The following VWA3B variants were observed in gnomAD, a reference collection of about 807,000 sequenced individuals.
VWA3B encodes von Willebrand factor A domain containing 3B, also known as von Willebrand factor A domain-containing protein 3B.
A neutral mutation model predicts 158.3 loss-of-function variants in VWA3B; 138 were observed. The ratio of observed to expected loss-of-function variants is 0.87; its 90% CI spans 0.76 to 1.00. The LOEUF is 1.00. Ranked by LOEUF, VWA3B falls within the 50% of genes least tolerant of loss-of-function variation. The pLI is 0.00. For missense variants in VWA3B, 1,555 were observed against 1,565.1 expected (o/e 0.99, Z 0.11); for synonymous variants, 596 against 587.3 (o/e 1.01, Z -0.21).
chr2:98,171,726 A>G (rs909764625), intron 8 of VWA3B, among the ~76,000 whole-genome samples: 2 of 152,070 alleles, frequency 1.3e-5, no homozygotes, highest in African/African-American at 4.8e-5. Flanking sequence ...AACAAGTTGG[A>G]GATGAGGGGA....
At chr2:98,091,012 G>A (rs941995125) in intron 1 of VWA3B, among the ~76,000 whole-genome samples, 4 of 152,120 alleles carry the variant, frequency 2.6e-5, no homozygotes, top group Non-Finnish European at 4.4e-5. Flanking sequence ...TTCTCAACGT[G>A]CTGGGATTAC....
chr2:98,137,258 C>T (rs534796494), intron 7 of VWA3B, among the ~76,000 whole-genome samples: 1 of 152,190 alleles, frequency 6.6e-6, no homozygotes, highest in Non-Finnish European at 1.5e-5. Flanking sequence ...TACCATTTTA[C>T]ATTCCTACCA....
rs1399381675 is a variant in VWA3B, at chr2:98,312,624, C to T, written c.*275C>T. On this transcript the variant is annotated 3_prime_UTR_variant, in exon 28 of 28. Coordinates refer to ENST00000477737, the MANE Select transcript of VWA3B (RefSeq NM_144992.5). ...TTCCATCTTCTGGTAGACGCCCCACCCCCAGAAGTTTTAACCTGAAGGATG... is the reference window on the plus strand; with the variant it reads ...TTCCATCTTCTGGTAGACGCCCCACTCCCAGAAGTTTTAACCTGAAGGATG... The T allele has an allele frequency of 5.3e-6, 2 of 377,186 alleles. No individual in the cohort carries two copies. The highest frequency in any genetic ancestry group is 9.5e-6 in the Non-Finnish European group (2 of 210,382). 23.4% of individuals were successfully genotyped at this position (377,186 alleles called of 1,614,324 possible).
intron 7 of VWA3B, among the ~76,000 whole-genome samples, chr2:98,138,266 G>A (rs1573875638): frequency 6.6e-6 from 1 of 152,164 alleles, no homozygotes; most frequent in East Asian, 1.9e-4. Context: ...CGTGGCCAGT[G>A]TCTCCCGTCT....
intron 19 of VWA3B, 62 bp from the exon 20 acceptor site, chr2:98,250,256 T>C: frequency 7.9e-7 from 1 of 1,260,020 alleles, no homozygotes; most frequent in Non-Finnish European, 1.1e-6. Context: ...GTAGATGTAT[T>C]TTCGAAGGCA....
chr2:98,217,835 TA>T lies in VWA3B; in HGVS notation c.1837-10del. ...TCTCCCTTCCCCCATCCCCAAAACT[TA>T]TCGTTTCAGCCACCTGAAACAGTTA... On this transcript the variant is annotated splice_polypyrimidine_tract_variant and intron_variant, in intron 13 of 27. Transcript: ENST00000477737. 6.4e-7 allele frequency: 1 copy of T among 1,566,494 alleles called. No homozygotes were observed.
rs1011089281 is a variant in VWA3B at position 98,163,043 on chromosome 2, G to T, written c.1114+67G>T. 1.1e-5 allele frequency: 17 copies of T among 1,591,292 alleles called. No homozygotes were observed. In the East Asian group the frequency reaches 1.8e-4, roughly 17 times the overall value. On this transcript the variant is annotated intron_variant, in intron 8 of 27. Coordinates refer to ENST00000477737, the MANE Select transcript of VWA3B (RefSeq NM_144992.5). ...TGTTACTAGCTGGGGACCAGGGGCT[G>T]CTTCCATGTTCCTGACCAGAGAAGC...
intron 22 of VWA3B, among the ~76,000 whole-genome samples, chr2:98,288,956 C>T (rs1408022531): frequency 6.6e-6 from 1 of 152,160 alleles, no homozygotes; most frequent in Non-Finnish European, 1.5e-5. Context: ...CAAAGGTTCA[C>T]AGTACGTGTT....
intron 7 of VWA3B, among the ~76,000 whole-genome samples, chr2:98,150,139 T>G (rs1045361170): frequency 6.6e-6 from 1 of 152,230 alleles, no homozygotes; most frequent in African/African-American, 2.4e-5. Flanking sequence ...CTGAGAGCAA[T>G]TTTATCTCCT....
At position 98,121,390 on chromosome 2, in the gene VWA3B, A is replaced by G; in HGVS notation, c.634A>G (p.Thr212Ala). 6.2e-7 allele frequency: 1 copy of G among 1,614,206 alleles called. No homozygotes were observed. The highest frequency in any genetic ancestry group is 1.1e-5 in the South Asian group (1 of 91,084). The change falls in exon 5 of 28, where the codon ACG becomes GCG. Residue 212 changes from threonine (T) to alanine (A), a missense_variant. Coordinates refer to ENST00000477737, the MANE Select transcript of VWA3B (RefSeq NM_144992.5). ...ATAISWVEKL[T>A]VELTVSEAGR... Reference sequence around the variant, plus strand: ...TGCCATCAGTTGGGTTGAGAAACTGACGGTTGAGCTGACTGTGAGCGAGGC... The same window carrying G: ...TGCCATCAGTTGGGTTGAGAAACTGGCGGTTGAGCTGACTGTGAGCGAGGC...
intron 14 of VWA3B, among the ~76,000 whole-genome samples, chr2:98,225,997 G>A (rs1020353067): frequency 2.0e-5 from 3 of 152,136 alleles, no homozygotes; most frequent in Non-Finnish European, 2.9e-5. Context: ...TATTAGAGAC[G>A]TCAGTTCTCC....
chr2:98,194,486 CAT>C lies in VWA3B; in HGVS notation c.1733_1734del (p.Ile578LysfsTer18), dbSNP rs1681871250. The C allele has an allele frequency of 6.2e-7, 1 of 1,613,572 alleles. No individual in the cohort carries two copies. The highest frequency in any genetic ancestry group is 1.3e-5 in the African/African-American group (1 of 74,890). On this transcript the variant is annotated frameshift_variant, in exon 12 of 28. Coordinates refer to ENST00000477737, the MANE Select transcript of VWA3B (RefSeq NM_144992.5). LOFTEE classifies it high-confidence loss of function. Reference protein sequence around the residue: ...LEQAQSWIRDIKIGSSTNTLS... With the variant: ...LEQAQSWIRDXKIGSSTNTLS... ...AACAGGCTCAGTCCTGGATTAGAGA[CAT>C]AAAGGTAAGTTGGAGACTAAGCTGG...
At chr2:98,148,934 A>T (rs1343699425) in intron 7 of VWA3B, among the ~76,000 whole-genome samples, 2 of 152,220 alleles carry the variant, frequency 1.3e-5, no homozygotes, top group Non-Finnish European at 2.9e-5. Context: ...TTATCCAAAT[A>T]AACGTTCATC....
chr2:98,172,042 GC>G (rs1453799651), intron 8 of VWA3B, among the ~76,000 whole-genome samples: 1 of 152,228 alleles, frequency 6.6e-6, no homozygotes, highest in Non-Finnish European at 1.5e-5. Context: ...GCCCCAATGG[GC>G]GTGTGTTACA....
At chr2:98,222,021 C>T (rs954079762) in intron 14 of VWA3B, among the ~76,000 whole-genome samples, 26 of 152,200 alleles carry the variant, frequency 1.7e-4, no homozygotes, top group African/African-American at 6.3e-4. Context: ...CTCACCTCCA[C>T]ACTCACACAA....
At position 98,206,445 on chromosome 2, in the gene VWA3B, A is replaced by C. The variant is rs569379650; in HGVS notation, c.1738-5485A>C. 1.0e-5 allele frequency: 3 copies of C among 300,758 alleles called. No homozygotes were observed. In the East Asian group the frequency reaches 2.2e-4, roughly 22 times the overall value. 18.6% of individuals were successfully genotyped at this position (300,758 alleles called of 1,614,324 possible). On this transcript the variant is annotated intron_variant, in intron 12 of 27. Coordinates refer to ENST00000477737, the MANE Select transcript of VWA3B (RefSeq NM_144992.5). ...GGAGACCAGGCTGGTTTTTGTGGTG[A>C]CCCAGCATTTGGGTGAGAGCACAGT...
Position 98,298,016 on chromosome 2 carries a change from C to G in VWA3B, c.3267C>G (p.Pro1089=). ...SFITPVGGAM[P]CPLLQVGDYV... is the part of the protein sequence containing the mutation. ...TCACGCCTGTGGGGGGCGCCATGCC[C>G]TGCCCGCTGCTCCAGGTACCCAGTC... Residue 1089 remains proline, a synonymous_variant, in exon 24 of 28, where the codon CCC becomes CCG. Transcript: ENST00000477737. The G allele has an allele frequency of 6.4e-7, 1 of 1,566,114 alleles. No homozygotes were observed. The highest frequency in any genetic ancestry group is 8.6e-7 in the Non-Finnish European group (1 of 1,157,192).
chr2:98,214,307 A>G (rs1240606801), intron 13 of VWA3B, among the ~76,000 whole-genome samples: 1 of 152,044 alleles, frequency 6.6e-6, no homozygotes. Context: ...TATCACATGC[A>G]TTGTTCCAAG....
At chr2:98,129,296 A>G (rs1301834661) in intron 6 of VWA3B, among the ~76,000 whole-genome samples, 1 of 148,808 alleles carries the variant, frequency 6.7e-6, no homozygotes, top group African/African-American at 2.5e-5. Context: ...GAGAGGAGAG[A>G]GAGAGGAGAG....
Sources: gnomAD v4.1 joint callset for allele counts (sites outside exome capture counted in the v4.1 genomes callset) on GRCh38, gnomAD v4.1.1 for gene constraint, MANE v1.5 for transcripts, NCBI Gene and HGNC (gene_info 2026-07-23, HGNC 2026-07-21) for gene names.